PRTFDC1: variants seen among roughly 807,000 people sequenced by gnomAD.
PRTFDC1 encodes phosphoribosyl transferase domain containing 1.
PRTFDC1 carries 38 observed loss-of-function variants against 34.6 expected under a neutral mutation model. The ratio of observed to expected loss-of-function variants is 1.10; its 90% CI spans 0.85 to 1.44. PRTFDC1 has a LOEUF of 1.44. Among genes scored for constraint, PRTFDC1 ranks in the 40% most tolerant of loss-of-function variants. PRTFDC1 has a pLI of 0.00. For synonymous variants in PRTFDC1, 93 were observed against 98.1 expected, an observed-to-expected ratio of 0.95 and a Z score of 0.31; for missense variants, 270 against 283.0, an observed-to-expected ratio of 0.95 and a Z score of 0.33.
intron 3 of PRTFDC1, among the ~76,000 whole-genome samples, chr10:24,922,067 C>T (rs892295113): frequency 1.3e-5 from 2 of 152,156 alleles, no homozygotes; most frequent in Admixed American, 6.5e-5. Flanking sequence ...CCCACCAAAT[C>T]CAAATTATTT....
chr10:24,869,211 C>T (rs1847837324), intron 4 of PRTFDC1, among the ~76,000 whole-genome samples: 1 of 151,456 alleles, frequency 6.6e-6, no homozygotes, highest in Non-Finnish European at 1.5e-5. Context: ...ATATGAAGGC[C>T]TTTATCTTTT....
At chr10:24,867,686 A>G (rs1401202987) in intron 4 of PRTFDC1, 1 of 151,424 alleles carries the variant, frequency 6.6e-6, no homozygotes, top group Non-Finnish European at 1.5e-5. Flanking sequence ...TTCTTGTTGT[A>G]GGCTTTGTGG....
At chr10:24,874,444 G>T (rs1262250516) in intron 3 of PRTFDC1, among the ~76,000 whole-genome samples, 1 of 152,122 alleles carries the variant, frequency 6.6e-6, no homozygotes, top group Non-Finnish European at 1.5e-5. Flanking sequence ...TAAATATGTT[G>T]TTAATAGCAG....
At chr10:24,884,927 C>G (rs1045592086) in intron 3 of PRTFDC1, among the ~76,000 whole-genome samples, 1 of 152,156 alleles carries the variant, frequency 6.6e-6, no homozygotes, top group African/African-American at 2.4e-5. Flanking sequence ...CCAGGACTCT[C>G]AGTGCTATTA....
intron 3 of PRTFDC1, among the ~76,000 whole-genome samples, chr10:24,873,511 T>C (rs1321626884): frequency 1.3e-5 from 2 of 152,238 alleles, no homozygotes; most frequent in Non-Finnish European, 2.9e-5. Context: ...CGTCTTTAGT[T>C]ACTGCTGTGG....
At chr10:24,876,328 A>C (rs896328499) in intron 3 of PRTFDC1, among the ~76,000 whole-genome samples, 2 of 152,120 alleles carry the variant, frequency 1.3e-5, no homozygotes, top group African/African-American at 4.8e-5. Flanking sequence ...GAATTAATGC[A>C]TGTGGAACAT....
At chr10:24,946,956 T>G (rs1849259796) in intron 1 of PRTFDC1, among the ~76,000 whole-genome samples, 1 of 151,922 alleles carries the variant, frequency 6.6e-6, no homozygotes, top group African/African-American at 2.4e-5. Flanking sequence ...GGTAATATAA[T>G]GAGAACCCAT....
At chr10:24,935,276 A>G (rs1849032079) in intron 3 of PRTFDC1, among the ~76,000 whole-genome samples, 1 of 152,204 alleles carries the variant, frequency 6.6e-6, no homozygotes, top group Non-Finnish European at 1.5e-5. Flanking sequence ...GACAAATATA[A>G]TAAGGGTCAG....
intron 3 of PRTFDC1, among the ~76,000 whole-genome samples, chr10:24,934,931 T>C (rs1849026769): frequency 6.6e-6 from 1 of 152,248 alleles, no homozygotes; most frequent in Admixed American, 6.5e-5. Context: ...GAATGCATTA[T>C]GTTATGATTT....
chr10:24,924,556 T>G (rs998225390), intron 3 of PRTFDC1, among the ~76,000 whole-genome samples: 4 of 151,818 alleles, frequency 2.6e-5, no homozygotes, highest in African/African-American at 4.8e-5. Context: ...GGGAGAAAAA[T>G]TTTGCAATCT....
chr10:24,874,591 AT>A (rs1013612474), intron 3 of PRTFDC1, among the ~76,000 whole-genome samples: 26 of 152,330 alleles, frequency 1.7e-4, no homozygotes, highest in Admixed American at 1.4e-3. Context: ...TAATTCTACT[AT>A]TTTCATCTTC....
intron 1 of PRTFDC1, among the ~76,000 whole-genome samples, chr10:24,949,264 A>AT (rs1024610333): frequency 1.3e-5 from 2 of 151,820 alleles, no homozygotes; most frequent in African/African-American, 4.8e-5. Flanking sequence ...TAAGTTTTGT[A>AT]TTTTTTGTAG....
chr10:24,862,686 T>C lies in PRTFDC1; in HGVS notation c.406-4277A>G, dbSNP rs987008279. On this transcript the variant is annotated intron_variant, in intron 4 of 8. Transcript: ENST00000320152. Reference sequence around the variant, plus strand: ...AGACTGTGGTTTTTTTTTGTTTTTGTTTCTGTTTTACAAATTGAAGGTTTA... The same window carrying C: ...AGACTGTGGTTTTTTTTTGTTTTTGCTTCTGTTTTACAAATTGAAGGTTTA... 2.0e-5 allele frequency among the ~76,000 whole-genome samples: 3 copies of C among 152,082 alleles called. No homozygotes were observed. The South Asian group carries it at 6.2e-4, about 32-fold the overall frequency.
In PRTFDC1 at chr10:24,849,793, CAG is replaced by C; in HGVS notation, c.*49_*50del. 1 of 1,578,636 alleles carries C rather than the reference CAG, an allele frequency of 6.3e-7. No homozygotes were observed. The highest frequency in any genetic ancestry group is 8.7e-7 in the Non-Finnish European group (1 of 1,148,926). On this transcript the variant is annotated 3_prime_UTR_variant, in exon 9 of 9. Coordinates refer to ENST00000320152, the MANE Select transcript of PRTFDC1 (RefSeq NM_020200.7). ...AACTTGACAGCTGGCTTCCCAAGTA[CAG>C]GCGTAAATATGATGCTATCTGGGAC... is the stretch of plus-strand genomic sequence containing the variant.
rs140425206 is a variant in PRTFDC1, at chr10:24,857,643, AG to A, written c.424-649del. On this transcript the variant is annotated intron_variant, in intron 5 of 8. Coordinates refer to ENST00000320152, the MANE Select transcript of PRTFDC1 (RefSeq NM_020200.7). ...CAAAACAACAGGTCTGAATGTAGCC[AG>A]GGTTGGGCAATTCATTTGGTTAGAG... 3.2e-4 allele frequency among the ~76,000 whole-genome samples: 49 copies of A among 152,306 alleles called. No homozygotes were observed. In the East Asian group the frequency reaches 9.1e-3, roughly 28 times the overall value.
chr10:24,860,464 G>A (rs1266452477), intron 4 of PRTFDC1, among the ~76,000 whole-genome samples: 1 of 152,132 alleles, frequency 6.6e-6, no homozygotes, highest in Admixed American at 6.6e-5. Flanking sequence ...TAATAAAAAT[G>A]TTAACCACCC....
In PRTFDC1 at chr10:24,908,229, G is replaced by A. The variant is rs188479945; in HGVS notation, c.339+28955C>T. 5.3e-4 allele frequency: 190 copies of A among 359,496 alleles called. 2 individuals are homozygous for A. Among genetic ancestry groups the A allele is most frequent in the Non-Finnish European group, 2.8e-4 (55 of 196,530 alleles). 22.3% of individuals were successfully genotyped at this position (359,496 alleles called of 1,614,324 possible). On this transcript the variant is annotated intron_variant, in intron 3 of 8. Transcript: ENST00000320152. The stretch of plus-strand genomic sequence containing the variant: ...ACTGCAGCAGATACATTTTTGTTGC[G>A]TTGCGTTGCGTTGAATTGAACATGT...
intron 3 of PRTFDC1, among the ~76,000 whole-genome samples, chr10:24,910,054 G>A (rs773887734): frequency 3.3e-5 from 5 of 151,780 alleles, no homozygotes; most frequent in Non-Finnish European, 5.9e-5. Context: ...CCAGCTTCTC[G>A]GGAGGCTGAG....
intron 3 of PRTFDC1, among the ~76,000 whole-genome samples, chr10:24,921,927 G>A (rs571087221): frequency 1.3e-5 from 2 of 152,156 alleles, no homozygotes; most frequent in East Asian, 1.9e-4. Flanking sequence ...GGGTTAAAAC[G>A]ACAATAAAAC....
Sources: gnomAD v4.1 joint callset for allele counts (sites outside exome capture counted in the v4.1 genomes callset) on GRCh38, gnomAD v4.1.1 for gene constraint, MANE v1.5 for transcripts, NCBI Gene and HGNC (gene_info 2026-07-23, HGNC 2026-07-21) for gene names.